ASXL1: variants seen among roughly 807,000 people sequenced by gnomAD.
ASXL1 encodes ASXL transcriptional regulator 1.
In ASXL1, 65 loss-of-function variants were observed where a neutral mutation model predicts 89.1. That is an observed-to-expected ratio of 0.73 (90% confidence interval 0.60 to 0.90). The LOEUF (loss-of-function observed/expected upper bound fraction) is 0.90. ASXL1 is among the 40% of genes least tolerant of loss of function. ASXL1 has a pLI of 0.00. For synonymous variants in ASXL1, 739 were observed against 746.9 expected (o/e 0.99, Z 0.17); for missense variants, 1,786 against 1,942.9 (o/e 0.92, Z 1.52).
chr20:32,359,257 C>T lies in ASXL1; in HGVS notation c.57+425C>T. 11 of 702,246 alleles carry T rather than the reference C, an allele frequency of 1.6e-5. No homozygotes were observed. The South Asian group carries it at 1.6e-4, about 10-fold the overall frequency. 43.5% of individuals were successfully genotyped at this position (702,246 alleles called of 1,614,324 possible). ...TTCCTGGTGGGTAATGGGGTGGTGC[C>T]TTTGACTCCGGGGGTGGAAAAGCGA... On this transcript the variant is annotated intron_variant, in intron 1 of 12. Transcript: ENST00000375687.
intron 4 of ASXL1, among the ~76,000 whole-genome samples, chr20:32,417,699 T>C (rs1045518123): frequency 6.6e-6 from 1 of 152,178 alleles, no homozygotes; most frequent in East Asian, 1.9e-4. Flanking sequence ...ACTTTCTGTA[T>C]ACTTTAATAG....
chr20:32,431,938 A>G (rs760307979), intron 10 of ASXL1, among the ~76,000 whole-genome samples: 2 of 152,212 alleles, frequency 1.3e-5, no homozygotes, highest in African/African-American at 4.8e-5. Context: ...TTAAAACTAT[A>G]AACACCTATT....
Position 32,406,223 on chromosome 20 carries a change from C to G in ASXL1, c.253-21905C>G, listed in dbSNP as rs181267485. The stretch of plus-strand genomic sequence containing the variant: ...TAATCCAGTCATTCTAGTTTTTTCC[C>G]TTTCCATATGTATAAGTCCTTTTTC... On this transcript the variant is annotated intron_variant, in intron 4 of 12. Transcript: ENST00000375687. 1.2e-4 allele frequency among the ~76,000 whole-genome samples: 18 copies of G among 152,178 alleles called. No individual in the cohort carries two copies. In the East Asian group the frequency reaches 2.9e-3, roughly 24 times the overall value.
chr20:32,377,814 G>A (rs186216454), intron 4 of ASXL1, among the ~76,000 whole-genome samples: 10 of 151,732 alleles, frequency 6.6e-5, no homozygotes, highest in South Asian at 2.1e-4. Flanking sequence ...CACCATGCCC[G>A]GCAAATTTTT....
chr20:32,390,488 T>C (rs151176983), intron 4 of ASXL1, among the ~76,000 whole-genome samples: 45 of 152,280 alleles, frequency 3.0e-4, no homozygotes, highest in African/African-American at 9.6e-4. Context: ...TAAAAAAATA[T>C]ATTTTTGAGA....
chr20:32,366,651 A>G (rs765064567), intron 2 of ASXL1, 185 bp downstream of exon 2: 22 of 819,526 alleles, frequency 2.7e-5, no homozygotes, highest in Non-Finnish European at 3.2e-5. Context: ...GTGAACATCC[A>G]TTTGTTTTCA....
rs140666943 is a variant in ASXL1 at position 32,425,384 on chromosome 20, G to A, written c.253-2744G>A. 2.3e-3 allele frequency among the ~76,000 whole-genome samples: 345 copies of A among 152,288 alleles called. 2 individuals carry two copies. The highest frequency in any genetic ancestry group is 2.7e-3 in the Non-Finnish European group (181 of 68,020). On this transcript the variant is annotated intron_variant, in intron 4 of 12. Transcript: ENST00000375687. ...CCAAGCCTAGGAGGGACGTTGCTGG[G>A]TCAGAGGATGTTTGTATCTTCAACT...
Position 32,426,536 on chromosome 20 carries a change from G to GTTT in ASXL1, c.253-1590_253-1588dup, listed in dbSNP as rs1353657083. On this transcript the variant is annotated intron_variant, in intron 4 of 12. Transcript: ENST00000375687. ...AAAAGAGGTAAAGATGTAGAAAACT[G>GTTT]TTTTCTTTTTTTTCTTTCTTTTTTT... Among the ~76,000 whole-genome samples the GTTT allele has an allele frequency of 5.8e-4, 57 of 98,754 alleles. 1 individual carries two copies. Among genetic ancestry groups the GTTT allele is most frequent in the Admixed American group, 1.4e-3 (13 of 9,130 alleles). The allele number at this position is 98,754 out of a possible 152,430, so 64.8% of individuals were successfully genotyped here. A position where few individuals can be genotyped will look rare whatever the true frequency, so the allele number is the denominator to read the frequency against.
At chr20:32,409,523 A>G (rs962561167) in intron 4 of ASXL1, among the ~76,000 whole-genome samples, 2 of 152,160 alleles carry the variant, frequency 1.3e-5, no homozygotes, top group African/African-American at 4.8e-5. Flanking sequence ...TCATAACCAC[A>G]TTGCAATTAT....
chr20:32,436,268 A>T lies in ASXL1; in HGVS notation c.3556A>T (p.Thr1186Ser). The T allele has an allele frequency of 6.2e-7, 1 of 1,614,202 alleles. No homozygotes were observed. Among genetic ancestry groups the T allele is most frequent in the Non-Finnish European group, 8.5e-7 (1 of 1,180,030 alleles). The change falls in exon 13 of 13, where the codon ACT becomes TCT. Residue 1186 changes from threonine to serine, a missense_variant. Coordinates refer to ENST00000375687, the MANE Select transcript of ASXL1 (RefSeq NM_015338.6). ...PLLPDSCETG[T>S]GLARIEATQA... ...TCTGCCAGATAGCTGTGAAACAGGCACTGGTCTTGCCAGGATTGAGGCCAC... is the reference window on the plus strand; with the variant it reads ...TCTGCCAGATAGCTGTGAAACAGGCTCTGGTCTTGCCAGGATTGAGGCCAC...
Position 32,434,260 on chromosome 20 carries a change from T to C in ASXL1, c.1720-172T>C, listed in dbSNP as rs1439886902. The C allele has an allele frequency of 4.6e-6, 4 of 875,834 alleles. No homozygotes were observed. In the African/African-American group the frequency reaches 6.7e-5, roughly 15 times the overall value. The allele number at this position is 875,834 out of a possible 1,614,324, so 54.3% of individuals were successfully genotyped here. On this transcript the variant is annotated intron_variant, in intron 12 of 12. Transcript: ENST00000375687. ...ATAACAGCCCTTGAGCAGAATCTTC[T>C]CTGAATGGTGTGTTATGGCGCCATT... is the stretch of plus-strand genomic sequence containing the variant.
At chr20:32,398,586 T>TTTTGTTTTTTTTG (rs2048808800) in intron 4 of ASXL1, among the ~76,000 whole-genome samples, 1 of 145,464 alleles carries the variant, frequency 6.9e-6, no homozygotes, top group African/African-American at 2.5e-5. Flanking sequence ...TTGTGGCTGG[T>TTTTGTTTTTTTTG]TTTGTTTTTT....
At chr20:32,425,280 A>G (rs2011242812) in intron 4 of ASXL1, among the ~76,000 whole-genome samples, 1 of 152,236 alleles carries the variant, frequency 6.6e-6, no homozygotes, top group Non-Finnish European at 1.5e-5. Context: ...TTGATTGTTT[A>G]TAATCCAGAT....
chr20:32,431,149 A>G (rs2011500247), intron 8 of ASXL1, 172 bp from the exon 9 acceptor site: 2 of 832,322 alleles, frequency 2.4e-6, no homozygotes, highest in East Asian at 5.3e-5. Context: ...TTTGATGGCA[A>G]TGACAGTAAC....
At position 32,436,693 on chromosome 20, in the gene ASXL1, T is replaced by C; in HGVS notation, c.3981T>C (p.Ala1327=). 1 of 1,614,030 alleles carries C rather than the reference T, an allele frequency of 6.2e-7. No homozygotes were observed. Among genetic ancestry groups the C allele is most frequent in the South Asian group, 1.1e-5 (1 of 91,086 alleles). The change falls in exon 13 of 13, where the codon GCT becomes GCC. Residue 1327 remains alanine (A), a synonymous_variant. Coordinates refer to ENST00000375687, the MANE Select transcript of ASXL1 (RefSeq NM_015338.6). ...CTGCGGACCCGATGCCTCTTCCTGC[T>C]GAGATCCCTCCAGTTTTTCCCAGTG... ...PRPADPMPLP[A]EIPPVFPSGK... is the part of the protein sequence containing the mutation.
At chr20:32,380,811 CTG>C (rs759424050) in intron 4 of ASXL1, among the ~76,000 whole-genome samples, 4 of 152,166 alleles carry the variant, frequency 2.6e-5, no homozygotes, top group Non-Finnish European at 5.9e-5. Flanking sequence ...AAAAGAATGA[CTG>C]GAGTAAGCTT....
intron 4 of ASXL1, among the ~76,000 whole-genome samples, chr20:32,380,348 T>C (rs2048466298): frequency 6.6e-6 from 1 of 152,072 alleles, no homozygotes; most frequent in Admixed American, 6.6e-5. Context: ...AGTTTACAAA[T>C]AAAGGAAAAA....
intron 4 of ASXL1, among the ~76,000 whole-genome samples, chr20:32,409,520 C>CA (rs1373921264): frequency 6.6e-5 from 10 of 152,110 alleles, no homozygotes; most frequent in Admixed American, 6.5e-4. Context: ...CTTTCATAAC[C>CA]ACATTGCAAT....
chr20:32,413,528 T>TATTG (rs10668659), intron 4 of ASXL1, among the ~76,000 whole-genome samples: 120,511 of 151,776 alleles, frequency 0.79, 48,188 homozygotes, highest in South Asian at 0.9. Flanking sequence ...GTGTTCAACG[T>TATTG]ATTTCATTCT....
Sources: gnomAD v4.1 joint callset for allele counts (sites outside exome capture counted in the v4.1 genomes callset) on GRCh38, gnomAD v4.1.1 for gene constraint, MANE v1.5 for transcripts, NCBI Gene and HGNC (gene_info 2026-07-23, HGNC 2026-07-21) for gene names.